TFEC: variants seen among roughly 807,000 people sequenced by gnomAD.
The protein encoded by TFEC is class E basic helix-loop-helix protein 34.
TFEC carries 31 observed loss-of-function variants against 41.6 expected under a neutral mutation model. The observed-to-expected ratio is 0.74, with a 90% CI of 0.56 to 1.01. TFEC has a LOEUF of 1.01. Ranked by LOEUF, TFEC falls within the 50% of genes least tolerant of loss-of-function variation. The pLI, the probability that TFEC is intolerant of heterozygous loss-of-function variation, is 0.00. For synonymous variants in TFEC, 143 were observed against 140.6 expected (o/e 1.02, Z -0.12); for missense variants, 402 against 404.1 (o/e 0.99, Z 0.04).
chr7:115,959,728 T>C lies in TFEC; in HGVS notation c.268-2935A>G, dbSNP rs563006283. 7.3e-5 allele frequency among the ~76,000 whole-genome samples: 11 copies of C among 150,934 alleles called. No individual in the cohort carries two copies. In the East Asian group the frequency reaches 1.4e-3, roughly 19 times the overall value. On this transcript the variant is annotated intron_variant, in intron 3 of 7. Coordinates refer to ENST00000265440, the MANE Select transcript of TFEC (RefSeq NM_012252.4). ...AATCCTATAGAATGGAAAAATAACA[T>C]AATGGAAACAATAAAAAAGGAATAA...
At chr7:115,990,643 A>G (rs1794067292) in intron 1 of TFEC, among the ~76,000 whole-genome samples, 1 of 152,212 alleles carries the variant, frequency 6.6e-6, no homozygotes, top group African/African-American at 2.4e-5. Flanking sequence ...GTGATTGAAG[A>G]TCAAAGGAAT....
At chr7:116,114,523 T>G (rs1297551417) in intron 1 of TFEC, among the ~76,000 whole-genome samples, 5 of 151,794 alleles carry the variant, frequency 3.3e-5, no homozygotes, top group Non-Finnish European at 7.4e-5. Flanking sequence ...CTCTGTACAT[T>G]TGAGAGATGT....
At position 115,989,213 on chromosome 7, in the gene TFEC, C is replaced by T. The variant is rs540376419; in HGVS notation, c.-72-4700G>A. Among the ~76,000 whole-genome samples the T allele has an allele frequency of 6.6e-5, 10 of 152,244 alleles. 1 individual carries two copies. The South Asian group carries it at 2.1e-3, about 32-fold the overall frequency. ...AATAAATTAAGGTAAAATAAAATTG[C>T]TTATTTTCTTATTCTTCATTGATCT... On this transcript the variant is annotated intron_variant, in intron 1 of 7. Transcript: ENST00000265440.
intron 5 of TFEC, among the ~76,000 whole-genome samples, chr7:115,951,175 C>T (rs1308876267): frequency 6.6e-6 from 1 of 151,934 alleles, no homozygotes; most frequent in Non-Finnish European, 1.5e-5. Context: ...AACATTTTGT[C>T]ACAAAACATT....
chr7:116,149,834 C>A (rs1292056814), intron 1 of TFEC, among the ~76,000 whole-genome samples: 1 of 152,156 alleles, frequency 6.6e-6, no homozygotes, highest in Non-Finnish European at 1.5e-5. Context: ...AGCCTTTTCT[C>A]CTGAGATCAG....
intron 1 of TFEC, among the ~76,000 whole-genome samples, chr7:116,003,986 G>A (rs1192859114): frequency 6.6e-6 from 1 of 152,034 alleles, no homozygotes; most frequent in Non-Finnish European, 1.5e-5. Flanking sequence ...AATGAAAACA[G>A]TGCTTAGAGA....
At chr7:115,978,634 C>T (rs1370403948) in intron 2 of TFEC, among the ~76,000 whole-genome samples, 1 of 152,192 alleles carries the variant, frequency 6.6e-6, no homozygotes, top group Non-Finnish European at 1.5e-5. Context: ...AATAGAATGG[C>T]TTCTGCTCAC....
chr7:116,138,564 G>T (rs968646080), intron 1 of TFEC, among the ~76,000 whole-genome samples: 4 of 152,278 alleles, frequency 2.6e-5, no homozygotes, highest in East Asian at 1.9e-4. Flanking sequence ...ATCATTTAAA[G>T]ATTTTTGTCT....
At chr7:116,053,594 G>A (rs537841192) in intron 3 of TFEC, among the ~76,000 whole-genome samples, 30 of 152,202 alleles carry the variant, frequency 2.0e-4, no homozygotes, top group Non-Finnish European at 3.5e-4. Flanking sequence ...ATAGGTTAAT[G>A]GATTAATGGG....
At chr7:116,036,649 C>A (rs1310058814) in intron 3 of TFEC, among the ~76,000 whole-genome samples, 1 of 152,030 alleles carries the variant, frequency 6.6e-6, no homozygotes, top group African/African-American at 2.4e-5. Flanking sequence ...TGCCATCTGT[C>A]AGGCAGTAGG....
At chr7:115,963,428 CT>C (rs1792673582) in intron 3 of TFEC, among the ~76,000 whole-genome samples, 1 of 151,718 alleles carries the variant, frequency 6.6e-6, no homozygotes, top group Admixed American at 6.6e-5. Flanking sequence ...AGTAATTTCA[CT>C]TCTAAGTATG....
At chr7:116,027,429 C>CAA (rs990211233) in intron 1 of TFEC, among the ~76,000 whole-genome samples, 6 of 151,748 alleles carry the variant, frequency 4.0e-5, no homozygotes, top group African/African-American at 1.5e-4. Context: ...CAAAAAAATA[C>CAA]AAAAAAATAA....
chr7:116,072,085 A>G (rs1796843366), intron 3 of TFEC, among the ~76,000 whole-genome samples: 1 of 151,566 alleles, frequency 6.6e-6, no homozygotes, highest in South Asian at 2.1e-4. Flanking sequence ...GTGTTTATTA[A>G]ATTAAATAAG....
intron 1 of TFEC, among the ~76,000 whole-genome samples, chr7:116,122,880 G>A (rs142712792): frequency 2.1e-4 from 32 of 152,122 alleles, no homozygotes; most frequent in African/African-American, 7.5e-4. Flanking sequence ...TACAATAAAT[G>A]TCAGCTATGT....
At chr7:116,021,947 A>G (rs1255792496) in intron 1 of TFEC, among the ~76,000 whole-genome samples, 1 of 152,158 alleles carries the variant, frequency 6.6e-6, no homozygotes. Context: ...TAGTTTGACA[A>G]TAAGGGCTCC....
At chr7:116,077,238 C>T (rs1218329479) in intron 3 of TFEC, among the ~76,000 whole-genome samples, 1 of 152,066 alleles carries the variant, frequency 6.6e-6, no homozygotes, top group Non-Finnish European at 1.5e-5. Context: ...AGAGAATTTG[C>T]CACTACCAAA....
At chr7:116,127,752 G>C (rs1350347595) in intron 1 of TFEC, among the ~76,000 whole-genome samples, 1 of 149,488 alleles carries the variant, frequency 6.7e-6, no homozygotes, top group Non-Finnish European at 1.5e-5. Context: ...TGTGAAAGAA[G>C]ACATAAATTT....
chr7:116,141,451 G>T (rs1473784796), intron 1 of TFEC, among the ~76,000 whole-genome samples: 1 of 152,154 alleles, frequency 6.6e-6, no homozygotes, highest in Non-Finnish European at 1.5e-5. Context: ...GGTGTCTTTA[G>T]TCACCTTCTA....
At chr7:116,034,647 TTCTA>T (rs1433139588), upstream of TFEC, among the ~76,000 whole-genome samples, 5 of 150,486 alleles carry the variant, frequency 3.3e-5, no homozygotes, top group Admixed American at 2.7e-4. Flanking sequence ...CTCTCCCTCC[TTCTA>T]TCTGTTACAC....
Sources: allele counts gnomAD v4.1 joint callset (sites outside exome capture counted in the v4.1 genomes callset), GRCh38; gene constraint gnomAD v4.1.1; transcripts MANE v1.5; gene names NCBI Gene and HGNC (gene_info 2026-07-23, HGNC 2026-07-21).